Variants in ARB2A observed in about 807,000 individuals in gnomAD.
The protein encoded by ARB2A is ARB2 cotranscriptional regulator A, also known as cotranscriptional regulator ARB2A.
the ARB2A span, among the ~76,000 whole-genome samples, chr5:93,757,839 A>C: frequency 3.3e-5 from 5 of 152,180 alleles, no homozygotes; most frequent in African/African-American, 1.2e-4. Context: ...AAAAAACAAA[A>C]AAACCAACGT....
chr5:93,722,723 G>A, the ARB2A span, among the ~76,000 whole-genome samples: 7 of 152,214 alleles, frequency 4.6e-5, no homozygotes, highest in South Asian at 1.0e-3. Context: ...ACACCTCATG[G>A]AAGCGAGAGG....
the ARB2A span, among the ~76,000 whole-genome samples, chr5:93,728,519 A>G: frequency 1.3e-5 from 2 of 152,046 alleles, no homozygotes; most frequent in African/African-American, 4.8e-5. Flanking sequence ...ATTATAATAA[A>G]CTTAAAGAAA....
At chr5:93,659,228 A>T in the ARB2A span, among the ~76,000 whole-genome samples, 5 of 147,196 alleles carry the variant, frequency 3.4e-5, no homozygotes, top group African/African-American at 1.1e-4. Flanking sequence ...ATGTTATATT[A>T]AAAAAAATCA....
At chr5:93,681,928 G>T in the ARB2A span, among the ~76,000 whole-genome samples, 2 of 152,134 alleles carry the variant, frequency 1.3e-5, no homozygotes, top group Non-Finnish European at 2.9e-5. Context: ...AATGGTAACT[G>T]CTCAGGCAAG....
At chr5:94,053,114 T>TAGATAGAA in the ARB2A span, 7 of 1,456,660 alleles carry the variant, frequency 4.8e-6, no homozygotes, top group African/African-American at 5.7e-5. Context: ...GATAGATAGA[T>TAGATAGAA]AACCCACTTA....
At chr5:93,689,965 T>A in the ARB2A span, among the ~76,000 whole-genome samples, 1 of 152,094 alleles carries the variant, frequency 6.6e-6, no homozygotes, top group Non-Finnish European at 1.5e-5. Flanking sequence ...AAGAACTCCC[T>A]CCCCTAGCCA....
chr5:93,892,820 G>A, the ARB2A span, among the ~76,000 whole-genome samples: 1 of 152,076 alleles, frequency 6.6e-6, no homozygotes, highest in Non-Finnish European at 1.5e-5. Context: ...CCCACAAAAT[G>A]TCTCTTGAGA....
the ARB2A span, among the ~76,000 whole-genome samples, chr5:93,911,651 CACAT>C: frequency 2.0e-5 from 3 of 151,528 alleles, no homozygotes; most frequent in Admixed American, 1.3e-4. Context: ...CACACACACA[CACAT>C]ACACACAAAC....
At chr5:93,912,375 T>A in the ARB2A span, among the ~76,000 whole-genome samples, 1 of 151,868 alleles carries the variant, frequency 6.6e-6, no homozygotes, top group African/African-American at 2.4e-5. Context: ...TAATTTGGAT[T>A]TTGAAAACTG....
the ARB2A span, among the ~76,000 whole-genome samples, chr5:93,926,275 A>G: frequency 6.6e-6 from 1 of 151,916 alleles, no homozygotes; most frequent in East Asian, 1.9e-4. Context: ...GATTACAGGC[A>G]TGTGCCACCA....
At chr5:93,939,086 T>C in the ARB2A span, among the ~76,000 whole-genome samples, 1 of 152,222 alleles carries the variant, frequency 6.6e-6, no homozygotes, top group South Asian at 2.1e-4. Context: ...TAAGAAAAGA[T>C]AATTTTATTC....
chr5:93,935,544 G>A, the ARB2A span, among the ~76,000 whole-genome samples: 16 of 152,306 alleles, frequency 1.1e-4, no homozygotes, highest in Middle Eastern at 6.8e-3. Flanking sequence ...GAGAGATATT[G>A]ATGGTGATGT....
At chr5:93,951,641 G>A in the ARB2A span, among the ~76,000 whole-genome samples, 1 of 152,210 alleles carries the variant, frequency 6.6e-6, no homozygotes, top group South Asian at 2.1e-4. Flanking sequence ...GTAGATGTAT[G>A]TATTTATTTC....
chr5:94,035,049 T>A, the ARB2A span, among the ~76,000 whole-genome samples: 2 of 152,094 alleles, frequency 1.3e-5, no homozygotes, highest in South Asian at 2.1e-4. Flanking sequence ...CTGTCTTCCA[T>A]GAAACCAGTC....
chr5:93,915,090 T>G, the ARB2A span, among the ~76,000 whole-genome samples: 1 of 151,994 alleles, frequency 6.6e-6, no homozygotes, highest in South Asian at 2.1e-4. Context: ...ATGGTTACTC[T>G]TTTTACTAAA....
chr5:93,969,018 C>CTTTT, the ARB2A span, among the ~76,000 whole-genome samples: 1 of 113,214 alleles, frequency 8.8e-6, no homozygotes, highest in South Asian at 3.1e-4. Flanking sequence ...GAATTTTTTT[C>CTTTT]TTTTTTTTTT....
At chr5:93,832,953 A>G in the ARB2A span, among the ~76,000 whole-genome samples, 5 of 152,226 alleles carry the variant, frequency 3.3e-5, no homozygotes, top group Non-Finnish European at 7.3e-5. Flanking sequence ...GTTATTTACT[A>G]CAATGTCTTA....
the ARB2A span, among the ~76,000 whole-genome samples, chr5:93,666,863 T>C: frequency 6.6e-6 from 1 of 152,204 alleles, no homozygotes; most frequent in Non-Finnish European, 1.5e-5. Context: ...ACTATGTACA[T>C]GGACTGTCAA....
the ARB2A span, among the ~76,000 whole-genome samples, chr5:93,871,875 A>C: frequency 6.6e-6 from 1 of 152,002 alleles, no homozygotes; most frequent in Non-Finnish European, 1.5e-5. Flanking sequence ...ATGGGAAAAG[A>C]CCTTACTCTG....
Sources: gnomAD v4.1 joint callset for allele counts (sites outside exome capture counted in the v4.1 genomes callset) on GRCh38, gnomAD v4.1.1 for gene constraint, MANE v1.5 for transcripts, NCBI Gene and HGNC (gene_info 2026-07-23, HGNC 2026-07-21) for gene names.